Variants in SORCS1 observed in about 807,000 individuals in gnomAD.
SORCS1 encodes the protein VPS10 domain-containing receptor SorCS1.
SORCS1 carries 60 observed loss-of-function variants against 146.1 expected under a neutral mutation model. The ratio of observed to expected loss-of-function variants is 0.41; its 90% CI spans 0.33 to 0.51. The LOEUF is 0.51. SORCS1 is among the 20% of genes least tolerant of loss of function. The pLI is 0.21. For missense variants in SORCS1, 1,352 were observed against 1,487.6 expected (o/e 0.91, Z 1.50); for synonymous variants, 637 against 584.0 (o/e 1.09, Z -1.31).
At chr10:106,966,783 C>A (rs1309530538) in intron 1 of SORCS1, among the ~76,000 whole-genome samples, 1 of 152,220 alleles carries the variant, frequency 6.6e-6, no homozygotes, top group Non-Finnish European at 1.5e-5. Flanking sequence ...TTGCAGGACT[C>A]TTCCTGTGCC....
At chr10:106,641,947 AAAGT>A (rs1261679224) in intron 18 of SORCS1, among the ~76,000 whole-genome samples, 4 of 152,204 alleles carry the variant, frequency 2.6e-5, no homozygotes, top group Admixed American at 2.6e-4. Flanking sequence ...CCCACAAACT[AAAGT>A]AAGTCCATTA....
intron 1 of SORCS1, among the ~76,000 whole-genome samples, chr10:106,969,350 G>C (rs1340884233): frequency 6.6e-6 from 1 of 152,192 alleles, no homozygotes; most frequent in African/African-American, 2.4e-5. Context: ...TTCACAAATA[G>C]TGTAGGTTAT....
chr10:107,016,760 A>C (rs1188270948), intron 1 of SORCS1, among the ~76,000 whole-genome samples: 1 of 152,216 alleles, frequency 6.6e-6, no homozygotes, highest in East Asian at 1.9e-4. Context: ...GTAGGAGAAG[A>C]TATCTGCAAT....
In SORCS1 at chr10:106,677,387, G is replaced by C. The variant is rs750523798; in HGVS notation, c.1758C>G (p.His586Gln). ...NTWRQIFEEEHSVLYLDQGGV... is the reference protein window; with the variant it reads ...NTWRQIFEEEQSVLYLDQGGV... ...CACCTTGATCCAGGTACAAAACACTGTGCTCTTCTTCAAAGATCTGGATGA... is the reference window on the plus strand; with the variant it reads ...CACCTTGATCCAGGTACAAAACACTCTGCTCTTCTTCAAAGATCTGGATGA... The change falls in exon 13 of 26, where the codon CAC becomes CAG. Residue 586 changes from histidine (H) to glutamine (Q), a missense_variant. His to Gln is a conservative substitution (Grantham distance 24). Around this residue, in one of 3 missense-constraint regions of SORCS1, gnomAD observed 648 missense variants for 793.8 expected, o/e 0.82. Transcript: ENST00000263054. 77 of 1,613,774 alleles carry C rather than the reference G, an allele frequency of 4.8e-5. No individual in the cohort carries two copies. Among genetic ancestry groups the C allele is most frequent in the Non-Finnish European group, 8.5e-7 (1 of 1,179,854 alleles).
intron 24 of SORCS1, among the ~76,000 whole-genome samples, chr10:106,580,143 G>A (rs1844816120): frequency 6.6e-6 from 1 of 152,122 alleles, no homozygotes; most frequent in Non-Finnish European, 1.5e-5. Context: ...CAAAGTGATG[G>A]AGCATGCTTG....
chr10:106,720,291 C>A (rs1290105082), intron 6 of SORCS1, among the ~76,000 whole-genome samples: 1 of 151,982 alleles, frequency 6.6e-6, no homozygotes, highest in Non-Finnish European at 1.5e-5. Context: ...AATAATAGGT[C>A]CAGAGTGAAA....
chr10:106,714,951 TC>T (rs1331995020), intron 6 of SORCS1, among the ~76,000 whole-genome samples: 50 of 152,282 alleles, frequency 3.3e-4, no homozygotes, highest in African/African-American at 1.2e-3. Context: ...GAAGAGGTCT[TC>T]AAACCACTTC....
chr10:106,850,282 C>T (rs895336180), intron 2 of SORCS1, among the ~76,000 whole-genome samples: 2 of 152,286 alleles, frequency 1.3e-5, no homozygotes, highest in African/African-American at 4.8e-5. Flanking sequence ...GGGATATAGT[C>T]TCGTGGTGCG....
chr10:106,973,538 G>C (rs1955875338), intron 1 of SORCS1, among the ~76,000 whole-genome samples: 1 of 152,190 alleles, frequency 6.6e-6, no homozygotes, highest in Non-Finnish European at 1.5e-5. Flanking sequence ...ACTGCAAGGG[G>C]GTCTTGTAGG....
rs59316382 is a variant in SORCS1, at chr10:106,988,727, C to A, written c.559-32147G>T. Among the ~76,000 whole-genome samples the A allele has an allele frequency of 3.8e-3, 585 of 152,044 alleles. 4 individuals are homozygous for A. Among genetic ancestry groups the A allele is most frequent in the Middle Eastern group, 0.014 (4 of 294 alleles). On this transcript the variant is annotated intron_variant, in intron 1 of 25. Transcript: ENST00000263054. Reference sequence around the variant, plus strand: ...CACTATAAATGGTTGCAATGCTCTACAATAAATAAAAAATCAGGTCTCAAA... The same window carrying A: ...CACTATAAATGGTTGCAATGCTCTAAAATAAATAAAAAATCAGGTCTCAAA...
At chr10:107,067,814 C>T (rs1000601920) in intron 1 of SORCS1, among the ~76,000 whole-genome samples, 1 of 152,038 alleles carries the variant, frequency 6.6e-6, no homozygotes, top group Non-Finnish European at 1.5e-5. Flanking sequence ...TAGTACCAAC[C>T]TCACGTGAAT....
intron 3 of SORCS1, among the ~76,000 whole-genome samples, chr10:106,784,350 G>A (rs962776744): frequency 2.0e-5 from 3 of 150,010 alleles, no homozygotes; most frequent in Non-Finnish European, 2.9e-5. Flanking sequence ...AGCCAAGATC[G>A]CGCCACTGCT....
intron 4 of SORCS1, among the ~76,000 whole-genome samples, chr10:106,768,518 A>G (rs1376432772): frequency 6.6e-6 from 1 of 152,232 alleles, no homozygotes; most frequent in Non-Finnish European, 1.5e-5. Context: ...TAGGTCTATT[A>G]AAAAACAAAT....
intron 14 of SORCS1, among the ~76,000 whole-genome samples, chr10:106,674,172 T>C: frequency 7.6e-6 from 1 of 132,180 alleles, no homozygotes; most frequent in East Asian, 2.1e-4. Flanking sequence ...AAAAAAATTA[T>C]AAAAAAATTA....
chr10:107,089,033 A>C (rs78600594), intron 1 of SORCS1, among the ~76,000 whole-genome samples: 4 of 152,196 alleles, frequency 2.6e-5, no homozygotes, highest in African/African-American at 4.8e-5. Context: ...CTGACTTAGA[A>C]TCTTGTGATA....
chr10:106,579,449 G>T lies in SORCS1; in HGVS notation c.3291C>A (p.Thr1097=). Residue 1097 remains threonine (T), a synonymous_variant, in exon 25 of 26, where the codon ACC becomes ACA. Coordinates refer to ENST00000263054, the MANE Select transcript of SORCS1 (RefSeq NM_052918.5). ...TAAPLVDLTP[T]HSGSAMLMLL... is the part of the protein sequence containing the mutation. ...GCATCAGCATGGCAGATCCACTGTG[G>T]GTTGGAGTGAGGTCCACCAGGGGGG... The T allele has an allele frequency of 4.3e-6, 7 of 1,613,820 alleles. No homozygotes were observed. The highest frequency in any genetic ancestry group is 5.9e-6 in the Non-Finnish European group (7 of 1,179,960).
intron 17 of SORCS1, among the ~76,000 whole-genome samples, chr10:106,662,054 C>A (rs2135383609): frequency 6.6e-6 from 1 of 152,326 alleles, no homozygotes; most frequent in Non-Finnish European, 1.5e-5. Context: ...CATTCTGCAC[C>A]AAGTTCACTT....
chr10:106,666,539 A>G (rs1365305986), intron 17 of SORCS1, among the ~76,000 whole-genome samples: 2 of 151,074 alleles, frequency 1.3e-5, no homozygotes, highest in Non-Finnish European at 2.9e-5. Context: ...CCAATTCTTT[A>G]CAATAAATCT....
intron 25 of SORCS1, chr10:106,579,109 C>G: frequency 6.2e-7 from 1 of 1,614,010 alleles, no homozygotes; most frequent in South Asian, 1.1e-5. Context: ...TGGGATTCCA[C>G]CTTCTCATCT....
Sources: gnomAD v4.1 joint callset for allele counts (sites outside exome capture counted in the v4.1 genomes callset) on GRCh38, gnomAD v4.1.1 for gene constraint, gnomAD v4.1.1 regional missense constraint, MANE v1.5 for transcripts, NCBI Gene and HGNC (gene_info 2026-07-23, HGNC 2026-07-21) for gene names.